The following NAV2 variants were observed in gnomAD, a reference collection of about 807,000 sequenced individuals.
NAV2 encodes helicase, APC down-regulated 1.
A neutral mutation model predicts 223.2 loss-of-function variants in NAV2; 54 were observed. The ratio of observed to expected loss-of-function variants is 0.24; its 90% CI spans 0.19 to 0.30. The LOEUF (loss-of-function observed/expected upper bound fraction) is 0.30, where lower values mean the gene tolerates loss of function less well. NAV2 is among the 10% of genes least tolerant of loss of function. The pLI is 1.00. For missense variants in NAV2, 2,806 were observed against 3,147.5 expected (o/e 0.89, Z 2.60); for synonymous variants, 1,279 against 1,239.3 (o/e 1.03, Z -0.67).
chr11:19,606,586 C>T (rs1406293953), intron 1 of NAV2, among the ~76,000 whole-genome samples: 1 of 152,192 alleles, frequency 6.6e-6, no homozygotes, highest in African/African-American at 2.4e-5. Context: ...TTGTTCCAAG[C>T]AGGCACTCAA....
chr11:19,370,397 C>G (rs1270916233), intron 1 of NAV2, among the ~76,000 whole-genome samples: 1 of 152,210 alleles, frequency 6.6e-6, no homozygotes, highest in African/African-American at 2.4e-5. Context: ...AATTCCACAG[C>G]AGAGACTTGT....
intron 1 of NAV2, among the ~76,000 whole-genome samples, chr11:19,719,318 G>T (rs2050571683): frequency 6.6e-6 from 1 of 152,156 alleles, no homozygotes; most frequent in Admixed American, 6.6e-5. Context: ...AAAACGGTCT[G>T]TGCATTTTTT....
rs774100669 is a variant in NAV2, at chr11:19,892,469, G to A, written c.806G>A (p.Gly269Asp). ...PGPTARVSAA[G>D]SEAKTRGGST... Reference sequence around the variant, plus strand: ...CCTACCGCGAGGGTATCCGCTGCAGGCAGCGAGGCCAAAACACGCGGAGGG... The same window carrying A: ...CCTACCGCGAGGGTATCCGCTGCAGACAGCGAGGCCAAAACACGCGGAGGG... The change falls in exon 6 of 38, where the codon GGC (glycine) becomes GAC (aspartate). Residue 269 changes from glycine (G) to aspartate (D), a missense_variant. Physicochemically the swap from Gly to Asp is moderately conservative, Grantham distance 94. Transcript: ENST00000349880. 4 of 1,613,988 alleles carry A rather than the reference G, an allele frequency of 2.5e-6. No homozygotes were observed. Among genetic ancestry groups the A allele is most frequent in the Non-Finnish European group, 8.5e-7 (1 of 1,180,010 alleles).
In NAV2 at chr11:20,060,682, A is replaced by C. The variant is rs140629563; in HGVS notation, c.4832-1625A>C. 4.4e-3 allele frequency among the ~76,000 whole-genome samples: 677 copies of C among 152,334 alleles called. 8 individuals are homozygous for C. The highest frequency in any genetic ancestry group is 0.016 in the African/African-American group (645 of 41,586). ...CTCCCAGGTGGCAGTCTGCGAAATG[A>C]GGAAAGGTCCCATAGAGAAGATGTC... is the stretch of plus-strand genomic sequence containing the variant. On this transcript the variant is annotated intron_variant, in intron 19 of 37. Coordinates refer to ENST00000349880, the MANE Select transcript of NAV2 (RefSeq NM_145117.5).
intron 32 of NAV2, among the ~76,000 whole-genome samples, chr11:20,102,765 G>A (rs1331813824): frequency 6.6e-6 from 1 of 152,050 alleles, no homozygotes; most frequent in Non-Finnish European, 1.5e-5. Context: ...TTGAGCCAAT[G>A]CCCCACCCGT....
chr11:19,833,314 A>G (rs1366724265), intron 2 of NAV2, among the ~76,000 whole-genome samples: 1 of 152,208 alleles, frequency 6.6e-6, no homozygotes, highest in African/African-American at 2.4e-5. Context: ...GAGAAGGTGC[A>G]AGGAGAGGAC....
chr11:20,044,658 G>T (rs1006916753), intron 13 of NAV2, among the ~76,000 whole-genome samples: 1 of 152,150 alleles, frequency 6.6e-6, no homozygotes, highest in South Asian at 2.1e-4. Context: ...TAGGGACAGC[G>T]CTTTAATGGA....
chr11:19,782,011 G>C (rs1014446454), intron 1 of NAV2, among the ~76,000 whole-genome samples: 11 of 152,030 alleles, frequency 7.2e-5, no homozygotes, highest in African/African-American at 2.7e-4. Flanking sequence ...ACCACCTTCA[G>C]CTAGAAAACA....
intron 3 of NAV2, among the ~76,000 whole-genome samples, chr11:19,845,449 GA>G (rs538555630): frequency 6.6e-6 from 1 of 151,218 alleles, no homozygotes; most frequent in African/African-American, 2.4e-5. Flanking sequence ...GCTCTGCTAG[GA>G]AAAAAAAATA....
chr11:19,860,585 G>T (rs879536642), intron 3 of NAV2, among the ~76,000 whole-genome samples: 316 of 144,622 alleles, frequency 2.2e-3, no homozygotes, highest in South Asian at 6.2e-3. Flanking sequence ...CATCCCAGAC[G>T]ATGGGCGGCC....
intron 1 of NAV2, among the ~76,000 whole-genome samples, chr11:19,457,038 A>T (rs1164398313): frequency 6.6e-6 from 1 of 152,126 alleles, no homozygotes; most frequent in African/African-American, 2.4e-5. Context: ...AGATCTTTTC[A>T]TTTATTTTTA....
intron 14 of NAV2, 94 bp from the exon 15 acceptor site, chr11:20,048,634 A>G: frequency 9.5e-7 from 1 of 1,048,044 alleles, no homozygotes; most frequent in Non-Finnish European, 1.4e-6. Flanking sequence ...TTCCCCAGGA[A>G]TTCTCACCAA....
intron 11 of NAV2, among the ~76,000 whole-genome samples, chr11:19,997,220 G>A (rs1303350880): frequency 1.3e-5 from 2 of 152,144 alleles, no homozygotes; most frequent in Non-Finnish European, 2.9e-5. Flanking sequence ...ACACTAGAAG[G>A]TGAGTGCAGG....
chr11:19,468,291 A>G (rs755312170), intron 1 of NAV2, among the ~76,000 whole-genome samples: 2 of 152,202 alleles, frequency 1.3e-5, no homozygotes, highest in African/African-American at 2.4e-5. Context: ...AAGTGCCACA[A>G]ACTGGGAGAT....
chr11:19,376,883 C>A (rs1848659033), intron 1 of NAV2, among the ~76,000 whole-genome samples: 1 of 152,180 alleles, frequency 6.6e-6, no homozygotes, highest in Admixed American at 6.5e-5. Context: ...GCATGTATTT[C>A]CCTGGGTTGT....
chr11:19,828,548 G>A (rs556324068), intron 1 of NAV2, among the ~76,000 whole-genome samples: 1 of 151,600 alleles, frequency 6.6e-6, no homozygotes, highest in Non-Finnish European at 1.5e-5. Context: ...GGAGTGCAAT[G>A]ATGCATGACG....
intron 1 of NAV2, among the ~76,000 whole-genome samples, chr11:19,527,970 A>T (rs1387350839): frequency 1.3e-5 from 2 of 149,020 alleles, no homozygotes; most frequent in Non-Finnish European, 3.0e-5. Flanking sequence ...ACACACACAC[A>T]CAATCCTGGG....
chr11:19,397,418 T>TGTGTGTGTGTGTGTGTGTGCAC lies in NAV2; in HGVS notation c.75+46392_75+46393insTGTGTGTGTGTGTGTGTGCACG, dbSNP rs57566081. 3.0e-3 allele frequency among the ~76,000 whole-genome samples: 437 copies of TGTGTGTGTGTGTGTGTGTGCAC among 145,348 alleles called. 5 individuals carry two copies. Among genetic ancestry groups the TGTGTGTGTGTGTGTGTGTGCAC allele is most frequent in the African/African-American group, 0.011 (423 of 38,636 alleles). ...GGGAGTGTGTGTGTGTGTGTGTGTG[T>TGTGTGTGTGTGTGTGTGTGCAC]GCGCGCATGTGTGTGTAGGGAATAC... On this transcript the variant is annotated intron_variant, in intron 1 of 37. Transcript: ENST00000360655.
intron 1 of NAV2, among the ~76,000 whole-genome samples, chr11:19,494,551 CA>C (rs1207574249): frequency 8.5e-5 from 13 of 152,180 alleles, no homozygotes. Context: ...GTAGCTGAGC[CA>C]GGGGTGAAAC....
Sources: gnomAD v4.1 joint callset for allele counts (sites outside exome capture counted in the v4.1 genomes callset) on GRCh38, gnomAD v4.1.1 for gene constraint, MANE v1.5 for transcripts, NCBI Gene and HGNC (gene_info 2026-07-23, HGNC 2026-07-21) for gene names.